CERS5: variants seen among roughly 807,000 people sequenced by gnomAD.
CERS5 encodes ceramide synthase 5.
In CERS5, 37 loss-of-function variants were observed where a neutral mutation model predicts 58.9. The ratio of observed to expected loss-of-function variants is 0.63; its 90% CI spans 0.48 to 0.83. The LOEUF (loss-of-function observed/expected upper bound fraction) is 0.83, where lower values mean the gene tolerates loss of function less well. CERS5 is among the 40% of genes least tolerant of loss of function. The probability of loss-of-function intolerance (pLI) is 0.00; values close to 1 mark genes in which losing one functional copy is unlikely to be tolerated. For synonymous variants in CERS5, 147 were observed against 177.8 expected, an observed-to-expected ratio of 0.83 and a Z score of 1.38; for missense variants, 398 against 489.3, an observed-to-expected ratio of 0.81 and a Z score of 1.76.
At chr12:50,164,553 G>GC (rs1341364765) in intron 1 of CERS5, among the ~76,000 whole-genome samples, 3 of 152,172 alleles carry the variant, frequency 2.0e-5, no homozygotes, top group Non-Finnish European at 4.4e-5. Flanking sequence ...AAACAAAATA[G>GC]CAAGAGTGCT....
intron 7 of CERS5, 26 bp downstream of exon 7, chr12:50,135,915 T>TG: frequency 6.4e-7 from 1 of 1,569,558 alleles, no homozygotes. Context: ...AAGAAGAAGA[T>TG]GGAGAAAGAG....
At chr12:50,148,059 T>C (rs1156409345) in intron 1 of CERS5, among the ~76,000 whole-genome samples, 1 of 152,118 alleles carries the variant, frequency 6.6e-6, no homozygotes, top group African/African-American at 2.4e-5. Flanking sequence ...TCCTAGCACT[T>C]TGGGAGACTG....
chr12:50,142,811 GTACAGTTATAAGGATT>G (rs1952045903), intron 3 of CERS5, among the ~76,000 whole-genome samples: 1 of 152,154 alleles, frequency 6.6e-6, no homozygotes, highest in South Asian at 2.1e-4. Context: ...ACTTACATAA[GTACAGTTATAAGGATT>G]TACTCCCAAT....
chr12:50,135,118 G>A (rs1951563839), intron 8 of CERS5, among the ~76,000 whole-genome samples: 2 of 124,954 alleles, frequency 1.6e-5, no homozygotes, highest in African/African-American at 3.1e-5. Flanking sequence ...GGGAGGGAGG[G>A]AGAGAGAGGA....
intron 3 of CERS5, 24 bp downstream of exon 3, chr12:50,143,046 TTCCC>T (rs753089414): frequency 3.0e-5 from 47 of 1,575,402 alleles, no homozygotes; most frequent in Non-Finnish European, 3.5e-5. Flanking sequence ...GTCTTCCTTA[TTCCC>T]TCCCTCCCTC....
Position 50,142,262 on chromosome 12 carries a change from C to T in CERS5, c.435-152G>A, listed in dbSNP as rs1952010525. ...TAGGCAACTACTGTCATTTAAAAAG[C>T]CAAAGACAGGGGCCAGGAGTGGTGG... On this transcript the variant is annotated intron_variant, in intron 3 of 9. Coordinates refer to ENST00000317551, the MANE Select transcript of CERS5 (RefSeq NM_147190.5). 7 of 605,396 alleles carry T rather than the reference C, an allele frequency of 1.2e-5. No homozygotes were observed. The South Asian group carries it at 1.4e-4, about 12-fold the overall frequency. The allele number at this position is 605,396 out of a possible 1,614,324, so 37.5% of individuals were successfully genotyped here.
At chr12:50,138,490 G>A (rs1197559911) in intron 5 of CERS5, 77 bp downstream of exon 5, 2 of 1,165,316 alleles carry the variant, frequency 1.7e-6, no homozygotes, top group Non-Finnish European at 2.6e-6. Flanking sequence ...ATCTGTCCTG[G>A]GGACTGGCAA....
chr12:50,139,739 G>A (rs1361054706), intron 4 of CERS5, among the ~76,000 whole-genome samples: 6 of 152,138 alleles, frequency 3.9e-5, no homozygotes, highest in African/African-American at 1.4e-4. Context: ...GTTGCAGTGA[G>A]CCGAGATTGT....
chr12:50,151,244 A>G (rs145930683), intron 1 of CERS5, among the ~76,000 whole-genome samples: 82 of 152,264 alleles, frequency 5.4e-4, no homozygotes, highest in Admixed American at 1.5e-3. Context: ...AAAGTTGTCA[A>G]TGATCTCCAT....
chr12:50,160,196 T>G (rs1939116053), intron 1 of CERS5, among the ~76,000 whole-genome samples: 1 of 149,760 alleles, frequency 6.7e-6, no homozygotes, highest in South Asian at 2.1e-4. Context: ...TCCTAGCTAC[T>G]CAGGAGGCTG....
chr12:50,166,986 C>T (rs940460767), intron 1 of CERS5, 115 bp downstream of exon 1: 4 of 889,686 alleles, frequency 4.5e-6, no homozygotes, highest in South Asian at 1.8e-5. Context: ...CAAGCTCCCC[C>T]AGCCCCTGCT....
chr12:50,163,913 C>T (rs1939581667), intron 1 of CERS5, among the ~76,000 whole-genome samples: 2 of 151,890 alleles, frequency 1.3e-5, no homozygotes, highest in Admixed American at 6.6e-5. Context: ...CTCGGCCTCC[C>T]AAAGTGCTGG....
chr12:50,135,048 T>C lies in CERS5; in HGVS notation c.873-346A>G, dbSNP rs539987534. 6.7e-5 allele frequency among the ~76,000 whole-genome samples: 10 copies of C among 148,612 alleles called. No homozygotes were observed. In the South Asian group the frequency reaches 2.1e-3, roughly 32 times the overall value. On this transcript the variant is annotated intron_variant, in intron 8 of 9. Transcript: ENST00000317551. ...GGCACATATAGGATAGGACAGTAGGTAGCTGATTCCCATAGAGCAGTGAAT... is the reference window on the plus strand; with the variant it reads ...GGCACATATAGGATAGGACAGTAGGCAGCTGATTCCCATAGAGCAGTGAAT...
At chr12:50,163,364 A>C (rs1352278732) in intron 1 of CERS5, among the ~76,000 whole-genome samples, 1 of 151,412 alleles carries the variant, frequency 6.6e-6, no homozygotes, top group Admixed American at 6.6e-5. Flanking sequence ...ACGCGGGGCT[A>C]TTTTTGTATT....
chr12:50,154,937 C>T (rs1361637341), intron 1 of CERS5, among the ~76,000 whole-genome samples: 1 of 152,144 alleles, frequency 6.6e-6, no homozygotes, highest in South Asian at 2.1e-4. Context: ...TGGCTCACTG[C>T]AACCTCTGCT....
At chr12:50,155,532 C>T (rs1478989913) in intron 1 of CERS5, among the ~76,000 whole-genome samples, 4 of 150,350 alleles carry the variant, frequency 2.7e-5, no homozygotes, top group African/African-American at 9.8e-5. Context: ...GTCAAGAGAT[C>T]GAGACCATCC....
chr12:50,152,835 G>A (rs185497796), intron 1 of CERS5, among the ~76,000 whole-genome samples: 6 of 150,770 alleles, frequency 4.0e-5, no homozygotes, highest in Non-Finnish European at 3.0e-5. Context: ...TTTGGGAGGC[G>A]GAGGCGGGCG....
chr12:50,142,881 T>C (rs1952049951), intron 3 of CERS5, among the ~76,000 whole-genome samples, 193 bp downstream of exon 3: 1 of 152,206 alleles, frequency 6.6e-6, no homozygotes, highest in Non-Finnish European at 1.5e-5. Context: ...CCTAGCTTAG[T>C]GGCAACATGC....
chr12:50,154,749 T>G (rs1938375851), intron 1 of CERS5, among the ~76,000 whole-genome samples: 1 of 152,214 alleles, frequency 6.6e-6, no homozygotes, highest in Non-Finnish European at 1.5e-5. Context: ...ACACAGGTCT[T>G]GAGCTCCTGA....
Sources: gnomAD v4.1 joint callset for allele counts (sites outside exome capture counted in the v4.1 genomes callset) on GRCh38, gnomAD v4.1.1 for gene constraint, MANE v1.5 for transcripts, NCBI Gene and HGNC (gene_info 2026-07-23, HGNC 2026-07-21) for gene names.